The following RALGAPA1 variants were observed in gnomAD, a reference collection of about 807,000 sequenced individuals.
The protein encoded by RALGAPA1 is Ral GTPase activating protein catalytic subunit alpha 1, also known as ral GTPase-activating protein subunit alpha-1.
RALGAPA1 carries 52 observed loss-of-function variants against 269.6 expected under a neutral mutation model. The observed-to-expected ratio is 0.19, with a 90% CI of 0.15 to 0.24. The LOEUF is 0.24. Among genes scored for constraint, RALGAPA1 ranks in the 10% least tolerant of loss-of-function variants. The probability of loss-of-function intolerance (pLI) is 1.00; values close to 1 mark genes in which losing one functional copy is unlikely to be tolerated. For synonymous variants in RALGAPA1, 817 were observed against 1,008.3 expected (o/e 0.81, Z 3.60); for missense variants, 1,917 against 3,013.9 (o/e 0.64, Z 8.52).
At chr14:35,604,894 A>T (rs2059500173) in intron 36 of RALGAPA1, among the ~76,000 whole-genome samples, 1 of 152,160 alleles carries the variant, frequency 6.6e-6, no homozygotes, top group Admixed American at 6.5e-5. Flanking sequence ...ATTCAAATAA[A>T]CATACTTATA....
intron 16 of RALGAPA1, among the ~76,000 whole-genome samples, chr14:35,717,955 C>G (rs2068993924): frequency 6.6e-6 from 1 of 152,178 alleles, no homozygotes; most frequent in South Asian, 2.1e-4. Flanking sequence ...CTCAAACACT[C>G]AAAAGCCCTA....
chr14:35,792,863 T>G (rs1595575362), intron 1 of RALGAPA1, among the ~76,000 whole-genome samples: 2 of 107,208 alleles, frequency 1.9e-5, no homozygotes, highest in Non-Finnish European at 3.8e-5. Flanking sequence ...GACAAGGCCA[T>G]GTAAGAGATT....
intron 12 of RALGAPA1, among the ~76,000 whole-genome samples, chr14:35,730,451 C>T (rs2070373380): frequency 6.6e-6 from 1 of 152,160 alleles, no homozygotes. Flanking sequence ...AACCAAAGCC[C>T]ATTTCTTTCA....
At chr14:35,624,155 G>A (rs1428533768) in intron 35 of RALGAPA1, among the ~76,000 whole-genome samples, 5 of 17,432 alleles carry the variant, frequency 2.9e-4, no homozygotes, top group East Asian at 2.6e-3. Context: ...ATAATACAAC[G>A]CAAAAAAAAA....
chr14:35,749,063 T>C (rs2072425912), intron 9 of RALGAPA1, among the ~76,000 whole-genome samples: 1 of 152,200 alleles, frequency 6.6e-6, no homozygotes, highest in Admixed American at 6.5e-5. Context: ...ATTAATCATC[T>C]ACCCACCTAT....
chr14:35,763,196 CTT>C (rs58053879), intron 4 of RALGAPA1, among the ~76,000 whole-genome samples: 2 of 151,844 alleles, frequency 1.3e-5, no homozygotes, highest in African/African-American at 4.8e-5. Flanking sequence ...TTAATATTTC[CTT>C]TTTTCTTTTA....
intron 1 of RALGAPA1, among the ~76,000 whole-genome samples, chr14:35,789,897 G>A (rs2076037588): frequency 6.6e-6 from 1 of 152,142 alleles, no homozygotes; most frequent in Non-Finnish European, 1.5e-5. Flanking sequence ...GCAGCTCTGG[G>A]CCCATGAAGT....
intron 28 of RALGAPA1, among the ~76,000 whole-genome samples, chr14:35,658,688 A>T (rs1383776121): frequency 6.6e-6 from 1 of 151,652 alleles, no homozygotes; most frequent in African/African-American, 2.4e-5. Flanking sequence ...TTCTATTTTT[A>T]AAAATCTTGA....
At chr14:35,682,861 G>A (rs1035041927) in intron 21 of RALGAPA1, among the ~76,000 whole-genome samples, 5 of 152,156 alleles carry the variant, frequency 3.3e-5, no homozygotes, top group Admixed American at 2.0e-4. Flanking sequence ...TTCTGCAATG[G>A]GGCTGCTAAA....
chr14:35,767,644 C>T (rs2074258914), intron 4 of RALGAPA1, among the ~76,000 whole-genome samples: 1 of 152,032 alleles, frequency 6.6e-6, no homozygotes, highest in Non-Finnish European at 1.5e-5. Context: ...GCCAAGACAG[C>T]GTCACTGCAC....
Position 35,630,305 on chromosome 14 carries a change from T to G in RALGAPA1, c.5996-2354A>C, listed in dbSNP as rs928380436. Among the ~76,000 whole-genome samples, 7 of 152,026 alleles carry G rather than the reference T, an allele frequency of 4.6e-5. No homozygotes were observed. The East Asian group carries it at 5.8e-4, about 13-fold the overall frequency. ...AGCTTATTTACTGGTTTTTTTTTTTTGGGACAGAGTCTTGCTGTGTCACCC... is the reference window on the plus strand; with the variant it reads ...AGCTTATTTACTGGTTTTTTTTTTTGGGGACAGAGTCTTGCTGTGTCACCC... On this transcript the variant is annotated intron_variant, in intron 33 of 41. Transcript: ENST00000680220.
intron 1 of RALGAPA1, among the ~76,000 whole-genome samples, chr14:35,805,667 T>C (rs1012944600): frequency 2.7e-5 from 4 of 150,862 alleles, no homozygotes; most frequent in Non-Finnish European, 4.4e-5. Context: ...CATACATATA[T>C]ATATTTTTTC....
chr14:35,561,520 T>C (rs1041768282), intron 39 of RALGAPA1, among the ~76,000 whole-genome samples: 1 of 142,766 alleles, frequency 7.0e-6, no homozygotes, highest in African/African-American at 2.6e-5. Flanking sequence ...TTTTTTTTTT[T>C]TTTTTTTTTT....
intron 3 of RALGAPA1, among the ~76,000 whole-genome samples, chr14:35,774,004 C>A (rs1430647445): frequency 6.6e-6 from 1 of 152,140 alleles, no homozygotes; most frequent in Non-Finnish European, 1.5e-5. Flanking sequence ...GTTTCGACCT[C>A]CTGGGTTCAA....
intron 12 of RALGAPA1, among the ~76,000 whole-genome samples, chr14:35,737,602 CA>C (rs1028389580): frequency 6.7e-6 from 1 of 150,134 alleles, no homozygotes; most frequent in Non-Finnish European, 1.5e-5. Flanking sequence ...ACTGAAAATA[CA>C]AAAAAATTAG....
chr14:35,671,792 A>G (rs1237647185), intron 25 of RALGAPA1, among the ~76,000 whole-genome samples: 1 of 152,202 alleles, frequency 6.6e-6, no homozygotes, highest in African/African-American at 2.4e-5. Flanking sequence ...TTTGCTTCAC[A>G]AGGTTAAAAG....
At chr14:35,746,306 G>C (rs1016661211) in intron 10 of RALGAPA1, among the ~76,000 whole-genome samples, 1 of 152,106 alleles carries the variant, frequency 6.6e-6, no homozygotes, top group African/African-American at 2.4e-5. Flanking sequence ...TCAGTTATGT[G>C]GGATGAACAG....
chr14:35,578,865 G>C (rs2057757027), intron 37 of RALGAPA1, among the ~76,000 whole-genome samples: 1 of 152,212 alleles, frequency 6.6e-6, no homozygotes, highest in Non-Finnish European at 1.5e-5. Flanking sequence ...CTGGTACTAG[G>C]TGCTGGAGAT....
rs542306220 is a variant in RALGAPA1, at chr14:35,742,629, GTAA to G, written c.1252-67_1252-65del. ...TCCTTTGCCACAAACCACTAACGCAGTAATGTTTTTCACATCACATCATAGATT... is the reference window on the plus strand; with the variant it reads ...TCCTTTGCCACAAACCACTAACGCAGTGTTTTTCACATCACATCATAGATT... On this transcript the variant is annotated intron_variant, in intron 10 of 41. Coordinates refer to ENST00000680220, the MANE Select transcript of RALGAPA1 (RefSeq NM_001346249.2). 7.7e-5 allele frequency: 89 copies of G among 1,153,242 alleles called. No individual in the cohort carries two copies. The Middle Eastern group carries it at 1.2e-3, about 15-fold the overall frequency. 71.4% of individuals were successfully genotyped at this position (1,153,242 alleles called of 1,614,324 possible). A position where few individuals can be genotyped will look rare whatever the true frequency, so the allele number is the denominator to read the frequency against.
Sources: allele counts gnomAD v4.1 joint callset (sites outside exome capture counted in the v4.1 genomes callset), GRCh38; gene constraint gnomAD v4.1.1; transcripts MANE v1.5; gene names NCBI Gene and HGNC (gene_info 2026-07-23, HGNC 2026-07-21).